Variants in FEM1C observed in about 807,000 individuals in gnomAD.
FEM1C encodes the protein fem-1 homolog C.
Under a neutral mutation model 37.6 loss-of-function variants are expected in FEM1C, and 15 were observed. The ratio of observed to expected loss-of-function variants is 0.40; its 90% CI spans 0.27 to 0.61. The LOEUF is 0.61. Among genes scored for constraint, FEM1C ranks in the 20% least tolerant of loss-of-function variants. The pLI is 0.42. For synonymous variants in FEM1C, 287 were observed against 272.8 expected, an observed-to-expected ratio of 1.05 and a Z score of -0.51; for missense variants, 532 against 749.7, an observed-to-expected ratio of 0.71 and a Z score of 3.39.
intron 2 of FEM1C, among the ~76,000 whole-genome samples, chr5:115,538,580 G>A (rs1324395977): frequency 1.3e-5 from 2 of 151,934 alleles, no homozygotes. Context: ...TCACAGTGTT[G>A]TAGTAGAATG....
At chr5:115,527,669 C>CT (rs917437241) in intron 2 of FEM1C, among the ~76,000 whole-genome samples, 14 of 151,844 alleles carry the variant, frequency 9.2e-5, no homozygotes, top group African/African-American at 3.4e-4. Context: ...TTAGATGGCA[C>CT]TTTTCTCTAT....
chr5:115,544,132 C>A, intron 1 of FEM1C: 10 of 985,436 alleles, frequency 1.0e-5, no homozygotes, highest in Non-Finnish European at 1.2e-5. Context: ...AAAGGTCGGA[C>A]ACACCAAACC....
chr5:115,532,150 TGA>T (rs1217504561), intron 2 of FEM1C, among the ~76,000 whole-genome samples: 1 of 152,124 alleles, frequency 6.6e-6, no homozygotes, highest in Admixed American at 6.5e-5. Flanking sequence ...AATAAATATA[TGA>T]GTCATCCTAA....
At chr5:115,526,622 C>A (rs917578193) in intron 2 of FEM1C, among the ~76,000 whole-genome samples, 1 of 152,118 alleles carries the variant, frequency 6.6e-6, no homozygotes, top group Non-Finnish European at 1.5e-5. Flanking sequence ...TAGGAATTAT[C>A]ATGCCGACCT....
Position 115,520,975 on chromosome 5 carries a change from A to G in FEM1C, c.*3333T>C, listed in dbSNP as rs1753760479. 1 of 151,960 alleles carries G rather than the reference A, an allele frequency of 6.6e-6. No individual in the cohort carries two copies. Among genetic ancestry groups the G allele is most frequent in the Non-Finnish European group, 1.5e-5 (1 of 67,638 alleles). The allele number at this position is 151,960 out of a possible 1,614,324, so 9.4% of individuals were successfully genotyped here. A position where few individuals can be genotyped will look rare whatever the true frequency, so the allele number is the denominator to read the frequency against. On this transcript the variant is annotated 3_prime_UTR_variant, in exon 3 of 3. Coordinates refer to ENST00000274457, the MANE Select transcript of FEM1C (RefSeq NM_020177.3). ...GTGGCATATGATTTTCCATTGTGTG[A>G]CAATTTATTAGCTGGCATCCGAATA...
Position 115,520,928 on chromosome 5 carries a change from A to T in FEM1C, c.*3380T>A, listed in dbSNP as rs989227322. The T allele has an allele frequency of 3.9e-5, 6 of 152,122 alleles. No homozygotes were observed. The highest frequency in any genetic ancestry group is 8.9e-5 in the Non-Finnish European group (6 of 67,706). 9.4% of individuals were successfully genotyped at this position (152,122 alleles called of 1,614,324 possible). On this transcript the variant is annotated 3_prime_UTR_variant, in exon 3 of 3. Transcript: ENST00000274457. ...TTAAATTTGGTGCAAATTTAATTTT[A>T]TTAAACCTTACAATGAATGTTGTGG...
chr5:115,541,863 T>C (rs1024221359), intron 2 of FEM1C, among the ~76,000 whole-genome samples: 12 of 152,110 alleles, frequency 7.9e-5, no homozygotes, highest in African/African-American at 2.9e-4. Flanking sequence ...TATGCTTGTA[T>C]TTGCATAGAC....
chr5:115,534,929 C>A (rs1754093461), intron 2 of FEM1C, among the ~76,000 whole-genome samples: 1 of 151,860 alleles, frequency 6.6e-6, no homozygotes, highest in Non-Finnish European at 1.5e-5. Flanking sequence ...ATACTTGCCA[C>A]ATAGCTAATA....
Position 115,523,734 on chromosome 5 carries a change from T to C in FEM1C, c.*574A>G, listed in dbSNP as rs928418207. The C allele has an allele frequency of 3.3e-5, 5 of 152,604 alleles. No individual in the cohort carries two copies. Among genetic ancestry groups the C allele is most frequent in the African/African-American group, 4.8e-5 (2 of 41,430 alleles). 9.5% of individuals were successfully genotyped at this position (152,604 alleles called of 1,614,324 possible). A position where few individuals can be genotyped will look rare whatever the true frequency, so the allele number is the denominator to read the frequency against. ...GAGTTGAAGTTGACCAACTGCTGCA[T>C]AGAAAATATGCTAACATACAACAGT... On this transcript the variant is annotated 3_prime_UTR_variant, in exon 3 of 3. Transcript: ENST00000274457.
chr5:115,543,724 TAGA>T (rs1754292391), intron 1 of FEM1C, 41 bp from the exon 2 acceptor site: 3 of 1,335,532 alleles, frequency 2.2e-6, no homozygotes, highest in African/African-American at 1.5e-5. Flanking sequence ...TAATTTTCTA[TAGA>T]AGAAGGCAAA....
At chr5:115,539,898 G>A (rs1754204610) in intron 2 of FEM1C, among the ~76,000 whole-genome samples, 1 of 152,020 alleles carries the variant, frequency 6.6e-6, no homozygotes, top group Non-Finnish European at 1.5e-5. Flanking sequence ...ATGAAAAGAG[G>A]TTAAATAACA....
In FEM1C at chr5:115,524,641, A is replaced by T. The variant is rs1753848594; in HGVS notation, c.1521T>A (p.Ser507=). 6.3e-7 allele frequency: 1 copy of T among 1,577,794 alleles called. No individual in the cohort carries two copies. The highest frequency in any genetic ancestry group is 8.6e-7 in the Non-Finnish European group (1 of 1,164,866). The change falls in exon 3 of 3, where the codon TCT becomes TCA. Residue 507 remains serine (S), a synonymous_variant. Coordinates refer to ENST00000274457, the MANE Select transcript of FEM1C (RefSeq NM_020177.3). ...VGRYPVCKFP[S]LQVTAILIEC... ...CTATCAGTATTGCAGTAACTTGTAG[A>T]GATGGAAATTTACAAACAGGGTACC...
Position 115,524,185 on chromosome 5 carries a change from G to C in FEM1C, c.*123C>G. Reference sequence around the variant, plus strand: ...TAAATTTGATGCTTATAATGCTTTAGCCAATGAGAGCACAATGATATCAAT... The same window carrying C: ...TAAATTTGATGCTTATAATGCTTTACCCAATGAGAGCACAATGATATCAAT... On this transcript the variant is annotated 3_prime_UTR_variant, in exon 3 of 3. Coordinates refer to ENST00000274457, the MANE Select transcript of FEM1C (RefSeq NM_020177.3). The C allele has an allele frequency of 1.4e-6, 1 of 722,312 alleles. No homozygotes were observed. The highest frequency in any genetic ancestry group is 2.3e-6 in the Non-Finnish European group (1 of 433,922). The allele number at this position is 722,312 out of a possible 1,614,324, so 44.7% of individuals were successfully genotyped here.
chr5:115,532,583 G>A (rs1212454683), intron 2 of FEM1C, among the ~76,000 whole-genome samples: 1 of 150,596 alleles, frequency 6.6e-6, no homozygotes, highest in Non-Finnish European at 1.5e-5. Flanking sequence ...TAACTTTTGT[G>A]TCATTTCTCC....
rs1018382588 is a variant in FEM1C, at chr5:115,524,268, C to T, written c.*40G>A. On this transcript the variant is annotated 3_prime_UTR_variant, in exon 3 of 3. Coordinates refer to ENST00000274457, the MANE Select transcript of FEM1C (RefSeq NM_020177.3). ...GTGCTCATTTATGAAACAACTGTTA[C>T]CAATTCGTGCTTTAACAGTGCTAAA... 1 of 1,529,790 alleles carries T rather than the reference C, an allele frequency of 6.5e-7. No individual in the cohort carries two copies. The highest frequency in any genetic ancestry group is 9.0e-7 in the Non-Finnish European group (1 of 1,107,182). The allele number at this position is 1,529,790 out of a possible 1,614,324, so 94.8% of individuals were successfully genotyped here. A position where few individuals can be genotyped will look rare whatever the true frequency, so the allele number is the denominator to read the frequency against.
intron 2 of FEM1C, among the ~76,000 whole-genome samples, chr5:115,540,901 G>C (rs1319835755): frequency 6.6e-6 from 1 of 152,038 alleles, no homozygotes; most frequent in Non-Finnish European, 1.5e-5. Flanking sequence ...AAGCAGCCAT[G>C]ATTTCAAACC....
Position 115,521,864 on chromosome 5 carries a change from G to C in FEM1C, c.*2444C>G, listed in dbSNP as rs1233173422. ...TTTTCCCTAAAAGAAAATAAAATCA[G>C]GGACAATTTTGAGCTATTAAATTAA... On this transcript the variant is annotated 3_prime_UTR_variant, in exon 3 of 3. Coordinates refer to ENST00000274457, the MANE Select transcript of FEM1C (RefSeq NM_020177.3). The C allele has an allele frequency of 6.6e-6, 1 of 151,768 alleles. No individual in the cohort carries two copies. The highest frequency in any genetic ancestry group is 1.5e-5 in the Non-Finnish European group (1 of 67,808). The allele number at this position is 151,768 out of a possible 1,614,324, so 9.4% of individuals were successfully genotyped here. A position where few individuals can be genotyped will look rare whatever the true frequency, so the allele number is the denominator to read the frequency against.
At position 115,543,197 on chromosome 5, in the gene FEM1C, G is replaced by C. The variant is rs1754276804; in HGVS notation, c.297C>G (p.Val99=). ...AASAAGHLKV[V]QSLLNHGASV... is the part of the protein sequence containing the mutation. ...ATGCTCCATGATTTAACAAGGACTG[G>C]ACCACCTTCAGATGTCCTGCTGCAG... The change falls in exon 2 of 3, where the codon GTC becomes GTG. Residue 99 remains valine, a synonymous_variant. Coordinates refer to ENST00000274457, the MANE Select transcript of FEM1C (RefSeq NM_020177.3). 1 of 1,614,190 alleles carries C rather than the reference G, an allele frequency of 6.2e-7. No individual in the cohort carries two copies. The highest frequency in any genetic ancestry group is 8.5e-7 in the Non-Finnish European group (1 of 1,180,026).
rs1754287750 is a variant in FEM1C, at chr5:115,543,559, G to A, written c.-66C>T. The A allele has an allele frequency of 5.3e-6, 8 of 1,522,188 alleles. No homozygotes were observed. The highest frequency in any genetic ancestry group is 7.0e-6 in the Non-Finnish European group (8 of 1,146,472). The allele number at this position is 1,522,188 out of a possible 1,614,324, so 94.3% of individuals were successfully genotyped here. The stretch of plus-strand genomic sequence containing the variant: ...AGCAGAGCTCCAGTTTAACTCTATC[G>A]ACACAGGCAAGAGTCACAGGAACCA... On this transcript the variant is annotated 5_prime_UTR_variant, in exon 2 of 3. Transcript: ENST00000274457.
Sources: allele counts gnomAD v4.1 joint callset (sites outside exome capture counted in the v4.1 genomes callset), GRCh38; gene constraint gnomAD v4.1.1; transcripts MANE v1.5; gene names NCBI Gene and HGNC (gene_info 2026-07-23, HGNC 2026-07-21).